NDST1: variants seen among roughly 807,000 people sequenced by gnomAD.
The protein encoded by NDST1 is bifunctional heparan sulfate N-deacetylase/N-sulfotransferase 1.
NDST1 carries 35 observed loss-of-function variants against 92.8 expected under a neutral mutation model. The ratio of observed to expected loss-of-function variants is 0.38; its 90% CI spans 0.29 to 0.50. The LOEUF is 0.50. Ranked by LOEUF, NDST1 falls within the 20% of genes least tolerant of loss-of-function variation. The pLI is 0.94. For synonymous variants in NDST1, 493 were observed against 500.3 expected (o/e 0.99, Z 0.19); for missense variants, 822 against 1,182.7 (o/e 0.69, Z 4.47).
rs552519192 is a variant in NDST1 at position 150,536,963 on chromosome 5, C to T, written c.1437+1078C>T. Among the ~76,000 whole-genome samples, 10 of 152,368 alleles carry T rather than the reference C, an allele frequency of 6.6e-5. No homozygotes were observed. The South Asian group carries it at 2.1e-3, about 32-fold the overall frequency. ...GACCTGACATTCTAGTGGCAGGAGA[C>T]AGACCATATGCTCATGCATGTGTGT... On this transcript the variant is annotated intron_variant, in intron 6 of 14. Transcript: ENST00000261797.
chr5:150,501,010 C>T (rs759082274), intron 1 of NDST1, among the ~76,000 whole-genome samples: 1 of 152,312 alleles, frequency 6.6e-6, no homozygotes, highest in South Asian at 2.1e-4. Context: ...GAAAAATGAA[C>T]CATCGTCACA....
intron 1 of NDST1, among the ~76,000 whole-genome samples, chr5:150,510,256 TTAA>T (rs1463769292): frequency 1.3e-5 from 2 of 152,198 alleles, no homozygotes; most frequent in African/African-American, 4.8e-5. Context: ...TCGCAGGAGC[TTAA>T]CGTTGGCCGC....
rs369331014 is a variant in NDST1 at position 150,553,389 on chromosome 5, G to A, written c.*57G>A. ...TGAAAGCTGGGACATCCCACCACAC[G>A]CTGAGCCAGACCTGCAGAGTGGGAA... On this transcript the variant is annotated 3_prime_UTR_variant, in exon 15 of 15. Transcript: ENST00000261797. This position sits in a 1 kb window ranked among gnomAD's most constrained non-coding sequence, Gnocchi z 4.2. 1.1e-5 allele frequency: 18 copies of A among 1,597,562 alleles called. No homozygotes were observed. Among genetic ancestry groups the A allele is most frequent in the African/African-American group, 5.4e-5 (4 of 74,422 alleles).
intron 1 of NDST1, among the ~76,000 whole-genome samples, chr5:150,503,015 G>C (rs1207429672): frequency 6.6e-6 from 1 of 152,062 alleles, no homozygotes; most frequent in African/African-American, 2.4e-5. Flanking sequence ...ATGAATCCTT[G>C]CCTGCTGCTT....
At position 150,521,007 on chromosome 5, in the gene NDST1, G is replaced by A; in HGVS notation, c.-248G>A. ...CTGCTCTGCACAGGACCACGCGGGGGTTTGCCATGGTGACATAAAGGGGCG... is the reference window on the plus strand; with the variant it reads ...CTGCTCTGCACAGGACCACGCGGGGATTTGCCATGGTGACATAAAGGGGCG... On this transcript the variant is annotated 5_prime_UTR_variant, in exon 2 of 15. Coordinates refer to ENST00000261797, the MANE Select transcript of NDST1 (RefSeq NM_001543.5). The surrounding 1 kb of genome is among the most constrained non-coding windows in gnomAD (Gnocchi z 5.9). The A allele has an allele frequency of 1.7e-6, 1 of 596,242 alleles. No homozygotes were observed. Among genetic ancestry groups the A allele is most frequent in the African/African-American group, 1.9e-5 (1 of 53,906 alleles). 36.9% of individuals were successfully genotyped at this position (596,242 alleles called of 1,614,324 possible).
chr5:150,517,014 TG>T (rs1754005417), intron 1 of NDST1, among the ~76,000 whole-genome samples: 6 of 150,800 alleles, frequency 4.0e-5, no homozygotes, highest in Admixed American at 2.0e-4. Flanking sequence ...TGTGTGTGTG[TG>T]TGTATGGCTT....
chr5:150,499,917 T>A (rs1446059658), intron 1 of NDST1, among the ~76,000 whole-genome samples: 2 of 152,198 alleles, frequency 1.3e-5, no homozygotes, highest in East Asian at 3.8e-4. Flanking sequence ...GACCTCTGTG[T>A]GCTGAGGCCA....
At chr5:150,509,250 C>T (rs1753608049) in intron 1 of NDST1, among the ~76,000 whole-genome samples, 1 of 152,180 alleles carries the variant, frequency 6.6e-6, no homozygotes, top group African/African-American at 2.4e-5. Context: ...TAGTGGTGAC[C>T]CACATTTCCC....
In NDST1 at chr5:150,554,036, C is replaced by A; in HGVS notation, c.*704C>A. Reference sequence around the variant, plus strand: ...CGGGCCCCACCTGCACCCCTTTCTTCCCCCTGGGATATGATGTGTGGTGTT... The same window carrying A: ...CGGGCCCCACCTGCACCCCTTTCTTACCCCTGGGATATGATGTGTGGTGTT... On this transcript the variant is annotated 3_prime_UTR_variant, in exon 15 of 15. Transcript: ENST00000261797. The A allele has an allele frequency of 2.5e-6, 1 of 407,980 alleles. No individual in the cohort carries two copies. Among genetic ancestry groups the A allele is most frequent in the Non-Finnish European group, 4.3e-6 (1 of 230,662 alleles). The allele number at this position is 407,980 out of a possible 1,614,324, so 25.3% of individuals were successfully genotyped here.
intron 6 of NDST1, among the ~76,000 whole-genome samples, chr5:150,538,582 T>A (rs547517918): frequency 6.6e-6 from 1 of 151,896 alleles, no homozygotes; most frequent in East Asian, 1.9e-4. Context: ...GACTGCAGGG[T>A]TTTTAGTCTG....
chr5:150,513,454 C>T (rs1561589772), intron 1 of NDST1, among the ~76,000 whole-genome samples: 1 of 152,118 alleles, frequency 6.6e-6, no homozygotes, highest in Non-Finnish European at 1.5e-5. Context: ...TCCTGGGCAA[C>T]AGAGCAAGAC....
intron 4 of NDST1, among the ~76,000 whole-genome samples, chr5:150,533,250 G>A (rs1390171321): frequency 6.6e-6 from 1 of 152,256 alleles, no homozygotes; most frequent in Non-Finnish European, 1.5e-5. Flanking sequence ...AACAGCAGCC[G>A]CTTGTCCCTC....
chr5:150,550,137 G>C (rs996377799), intron 13 of NDST1, among the ~76,000 whole-genome samples: 10 of 144,202 alleles, frequency 6.9e-5, no homozygotes, highest in African/African-American at 2.3e-4. Context: ...GGGTCACTCT[G>C]TTGCCCAGGC....
chr5:150,534,935 C>A lies in NDST1; in HGVS notation c.1165C>A (p.His389Asn). 6.2e-7 allele frequency: 1 copy of A among 1,614,214 alleles called. No individual in the cohort carries two copies. ...SYVKEFWWFP[H>N]MWSHMQPHLF... ...TGTGAAGGAGTTCTGGTGGTTCCCC[C>A]ACATGTGGAGCCACATGCAGCCCCA... Residue 389 changes from histidine (H) to asparagine (N), a missense_variant, in exon 5 of 15, where the codon CAC becomes AAC. Transcript: ENST00000261797.
chr5:150,524,869 C>T (rs997272957), intron 2 of NDST1, among the ~76,000 whole-genome samples: 1 of 152,180 alleles, frequency 6.6e-6, no homozygotes, highest in Non-Finnish European at 1.5e-5. Flanking sequence ...GATTTTGGAG[C>T]ATTTTGGATT....
Position 150,521,551 on chromosome 5 carries a change from G to T in NDST1, c.297G>T (p.Glu99Asp). 16 of 1,614,042 alleles carry T rather than the reference G, an allele frequency of 9.9e-6. No individual in the cohort carries two copies. Among genetic ancestry groups the T allele is most frequent in the Non-Finnish European group, 1.4e-5 (16 of 1,180,032 alleles). The change falls in exon 2 of 15, where the codon GAG becomes GAT. Residue 99 changes from glutamate to aspartate, a missense_variant. By Grantham distance (45) the Glu-to-Asp change is conservative (BLOSUM62 2). Coordinates refer to ENST00000261797, the MANE Select transcript of NDST1 (RefSeq NM_001543.5). This position sits in a 1 kb window ranked among gnomAD's most constrained non-coding sequence, Gnocchi z 5.9. The part of the protein sequence containing the change: ...VESLYSQLGQ[E>D]VVAILESSRF... ...GCCTCTACTCGCAACTGGGCCAGGA[G>T]GTGGTGGCCATCCTGGAGTCCAGCC...
chr5:150,509,083 A>G (rs1753597197), intron 1 of NDST1, among the ~76,000 whole-genome samples: 1 of 152,056 alleles, frequency 6.6e-6, no homozygotes, highest in Admixed American at 6.6e-5. Flanking sequence ...GAAGGGGATG[A>G]CTGGGAGGGA....
At chr5:150,526,401 C>G (rs928075038) in intron 2 of NDST1, among the ~76,000 whole-genome samples, 1 of 152,194 alleles carries the variant, frequency 6.6e-6, no homozygotes, top group South Asian at 2.1e-4. Context: ...CCTGACACAG[C>G]AAATAGTTGT....
At chr5:150,539,526 G>A (rs1275423458) in intron 7 of NDST1, 170 bp downstream of exon 7, 1 of 1,501,604 alleles carries the variant, frequency 6.7e-7, no homozygotes, top group Non-Finnish European at 8.8e-7. Flanking sequence ...GTGTGACCTT[G>A]GCTAAAGAAT....
Sources: gnomAD v4.1 joint callset for allele counts (sites outside exome capture counted in the v4.1 genomes callset) on GRCh38, gnomAD v4.1.1 for gene constraint, Gnocchi (gnomAD v3.1) non-coding constraint, MANE v1.5 for transcripts, NCBI Gene and HGNC (gene_info 2026-07-23, HGNC 2026-07-21) for gene names.